The following LMTK2 variants were observed in gnomAD, a reference collection of about 807,000 sequenced individuals.
LMTK2 encodes serine/threonine-protein kinase LMTK2.
LMTK2 carries 37 observed loss-of-function variants against 127.5 expected under a neutral mutation model. The ratio of observed to expected loss-of-function variants is 0.29; its 90% CI spans 0.22 to 0.38. LMTK2 has a LOEUF of 0.38. Among genes scored for constraint, LMTK2 ranks in the 10% least tolerant of loss-of-function variants. The probability of loss-of-function intolerance (pLI) is 1.00; values close to 1 mark genes in which losing one functional copy is unlikely to be tolerated. For synonymous variants in LMTK2, 819 were observed against 810.1 expected (o/e 1.01, Z -0.19); for missense variants, 1,694 against 1,920.3 (o/e 0.88, Z 2.20).
intron 1 of LMTK2, among the ~76,000 whole-genome samples, chr7:98,135,203 A>G (rs1796580612): frequency 6.6e-6 from 1 of 152,144 alleles, no homozygotes; most frequent in Non-Finnish European, 1.5e-5. Flanking sequence ...TCCTCTCTTC[A>G]AGTACCCTAG....
intron 1 of LMTK2, among the ~76,000 whole-genome samples, chr7:98,129,760 C>T (rs762285852): frequency 2.6e-5 from 4 of 152,094 alleles, no homozygotes; most frequent in African/African-American, 9.7e-5. Flanking sequence ...TATTTTCCCT[C>T]GCTTGCTCAT....
Position 98,206,602 on chromosome 7 carries a change from C to T in LMTK2, c.*1110C>T, listed in dbSNP as rs1034617868. On this transcript the variant is annotated 3_prime_UTR_variant, in exon 14 of 14. Transcript: ENST00000297293. ...TCCGTGTTCCTGTCAGTCCTTCCTT[C>T]AAGAAGCCGGGGAACTCAGGCAGAC... The T allele has an allele frequency of 6.6e-5, 10 of 152,278 alleles. No individual in the cohort carries two copies. Among genetic ancestry groups the T allele is most frequent in the African/African-American group, 2.2e-4 (9 of 41,442 alleles). The allele number at this position is 152,278 out of a possible 1,614,324, so 9.4% of individuals were successfully genotyped here.
intron 1 of LMTK2, among the ~76,000 whole-genome samples, chr7:98,135,168 T>C (rs1796580163): frequency 6.6e-6 from 1 of 152,210 alleles, no homozygotes; most frequent in Non-Finnish European, 1.5e-5. Flanking sequence ...TGTGTTTTGC[T>C]CACCTAGGAG....
In LMTK2 at chr7:98,171,392, C is replaced by A; in HGVS notation, c.658-149C>A. On this transcript the variant is annotated intron_variant, in intron 6 of 13. Transcript: ENST00000297293. This position sits in a 1 kb window ranked among gnomAD's most constrained non-coding sequence, Gnocchi z 5.1. ...AAAGCATAATAGTGTTCTATACTTT[C>A]GCAGTATTGGGTTGGAACTTCTTTA... is the stretch of plus-strand genomic sequence containing the variant. 1 of 877,726 alleles carries A rather than the reference C, an allele frequency of 1.1e-6. No homozygotes were observed. Among genetic ancestry groups the A allele is most frequent in the Non-Finnish European group, 1.8e-6 (1 of 546,340 alleles). The allele number at this position is 877,726 out of a possible 1,614,324, so 54.4% of individuals were successfully genotyped here.
rs146479843 is a variant in LMTK2 at position 98,200,936 on chromosome 7, G to A, written c.4108-2638G>A. On this transcript the variant is annotated intron_variant, in intron 11 of 13. Coordinates refer to ENST00000297293, the MANE Select transcript of LMTK2 (RefSeq NM_014916.4). ...AACTCTCTGATCTGGAGGGCCTCCT[G>A]TCCTTCTGTTCTTTTTCATTATTGA... 4.6e-3 allele frequency among the ~76,000 whole-genome samples: 707 copies of A among 152,236 alleles called. 2 individuals carry two copies. Among genetic ancestry groups the A allele is most frequent in the Middle Eastern group, 0.014 (4 of 294 alleles).
chr7:98,163,337 A>G (rs755880327), intron 6 of LMTK2, among the ~76,000 whole-genome samples: 1 of 152,060 alleles, frequency 6.6e-6, no homozygotes, highest in African/African-American at 2.4e-5. Flanking sequence ...ACCTCCCACA[A>G]TTTAAGGTGC....
chr7:98,171,716 G>A lies in LMTK2; in HGVS notation c.791+42G>A, dbSNP rs998320934. 2 of 1,518,852 alleles carry A rather than the reference G, an allele frequency of 1.3e-6. No homozygotes were observed. The highest frequency in any genetic ancestry group is 2.2e-5 in the Admixed American group (1 of 45,996). The allele number at this position is 1,518,852 out of a possible 1,614,324, so 94.1% of individuals were successfully genotyped here. A position where few individuals can be genotyped will look rare whatever the true frequency, so the allele number is the denominator to read the frequency against. ...GCGGTGCACGCCCCACACAGCACCGGCGGGACAGTCCAGAGAGGCTGCCGA... is the reference window on the plus strand; with the variant it reads ...GCGGTGCACGCCCCACACAGCACCGACGGGACAGTCCAGAGAGGCTGCCGA... On this transcript the variant is annotated intron_variant, in intron 7 of 13. Coordinates refer to ENST00000297293, the MANE Select transcript of LMTK2 (RefSeq NM_014916.4). This position sits in a 1 kb window ranked among gnomAD's most constrained non-coding sequence, Gnocchi z 5.1.
intron 6 of LMTK2, among the ~76,000 whole-genome samples, chr7:98,163,913 T>G (rs1797051356): frequency 6.6e-6 from 1 of 152,224 alleles, no homozygotes; most frequent in Non-Finnish European, 1.5e-5. Flanking sequence ...GGACCGGCTA[T>G]CGCTGCCTGT....
chr7:98,124,715 G>A (rs1796417792), intron 1 of LMTK2, among the ~76,000 whole-genome samples: 1 of 151,972 alleles, frequency 6.6e-6, no homozygotes, highest in African/African-American at 2.4e-5. Context: ...GAGCCCAGGA[G>A]TTCAAAGCTG....
At chr7:98,114,867 C>G (rs895079032) in intron 1 of LMTK2, among the ~76,000 whole-genome samples, 4 of 151,770 alleles carry the variant, frequency 2.6e-5, no homozygotes, top group African/African-American at 7.3e-5. Flanking sequence ...TTTTTAAAAC[C>G]TCTTTGCGGA....
In LMTK2 at chr7:98,207,472, T is replaced by C. The variant is rs1257955264; in HGVS notation, c.*1980T>C. The C allele has an allele frequency of 2.0e-5, 3 of 151,660 alleles. No individual in the cohort carries two copies. Among genetic ancestry groups the C allele is most frequent in the African/African-American group, 7.3e-5 (3 of 41,294 alleles). 9.4% of individuals were successfully genotyped at this position (151,660 alleles called of 1,614,324 possible). A position where few individuals can be genotyped will look rare whatever the true frequency, so the allele number is the denominator to read the frequency against. On this transcript the variant is annotated 3_prime_UTR_variant, in exon 14 of 14. Coordinates refer to ENST00000297293, the MANE Select transcript of LMTK2 (RefSeq NM_014916.4). The stretch of plus-strand genomic sequence containing the variant: ...GTGGATGCGGTGCCCACCTGGGCTA[T>C]GTGGGGAGCACCACTGTCTCGGGAT...
At chr7:98,173,778 C>T (rs772779757) in intron 7 of LMTK2, among the ~76,000 whole-genome samples, 8 of 152,136 alleles carry the variant, frequency 5.3e-5, no homozygotes, top group Admixed American at 1.3e-4. Flanking sequence ...TCCTTGAGGC[C>T]GGGCACGGTG....
chr7:98,110,580 G>A (rs1482178678), intron 1 of LMTK2, among the ~76,000 whole-genome samples: 1 of 152,234 alleles, frequency 6.6e-6, no homozygotes, highest in Non-Finnish European at 1.5e-5. Flanking sequence ...ATAGTTATCA[G>A]ATCATTCTTC....
At chr7:98,130,860 G>A (rs1190756328) in intron 1 of LMTK2, among the ~76,000 whole-genome samples, 1 of 152,172 alleles carries the variant, frequency 6.6e-6, no homozygotes, top group Non-Finnish European at 1.5e-5. Flanking sequence ...CACCCAGTTT[G>A]TGATACTTGA....
chr7:98,111,621 G>A (rs1000876375), intron 1 of LMTK2, among the ~76,000 whole-genome samples: 1 of 152,162 alleles, frequency 6.6e-6, no homozygotes, highest in East Asian at 1.9e-4. Context: ...TTACCCAAAG[G>A]GTTGTGGGGG....
At position 98,194,980 on chromosome 7, in the gene LMTK2, A is replaced by G. The variant is rs981972021; in HGVS notation, c.4107+408A>G. 5.3e-5 allele frequency among the ~76,000 whole-genome samples: 8 copies of G among 151,910 alleles called. No individual in the cohort carries two copies. Among genetic ancestry groups the G allele is most frequent in the Non-Finnish European group, 1.0e-4 (7 of 67,996 alleles). ...GGCTCAAGTGATCCTCCCACCTTCC[A>G]TAATAGCTGGGCCCACAGGTTCATG... On this transcript the variant is annotated intron_variant, in intron 11 of 13. Coordinates refer to ENST00000297293, the MANE Select transcript of LMTK2 (RefSeq NM_014916.4). The surrounding 1 kb of genome is among the most constrained non-coding windows in gnomAD (Gnocchi z 5.4).
At chr7:98,110,320 G>A (rs1796183675) in intron 1 of LMTK2, among the ~76,000 whole-genome samples, 1 of 152,138 alleles carries the variant, frequency 6.6e-6, no homozygotes, top group Non-Finnish European at 1.5e-5. Flanking sequence ...AGGCAAGAAG[G>A]CATTTCTTGG....
At chr7:98,149,818 GA>G in intron 3 of LMTK2, among the ~76,000 whole-genome samples, 1 of 152,234 alleles carries the variant, frequency 6.6e-6, no homozygotes, top group East Asian at 1.9e-4. Context: ...AAGTGTTTTG[GA>G]GAACAGTGTT....
intron 11 of LMTK2, among the ~76,000 whole-genome samples, chr7:98,201,823 TG>T (rs1797708851): frequency 6.6e-6 from 1 of 152,150 alleles, no homozygotes; most frequent in South Asian, 2.1e-4. Context: ...TTGCCCAGGC[TG>T]GTTTTGAACT....
Sources: allele counts gnomAD v4.1 joint callset (sites outside exome capture counted in the v4.1 genomes callset), GRCh38; gene constraint gnomAD v4.1.1; non-coding constraint Gnocchi (gnomAD v3.1); transcripts MANE v1.5; gene names NCBI Gene and HGNC (gene_info 2026-07-23, HGNC 2026-07-21).